ORMDL3: variants seen among roughly 807,000 people sequenced by gnomAD.
ORMDL3 encodes the protein ORM1-like protein 3.
Under a neutral mutation model 12.6 loss-of-function variants are expected in ORMDL3, and 6 were observed. The observed-to-expected ratio is 0.48, with a 90% CI of 0.26 to 0.94. The LOEUF (loss-of-function observed/expected upper bound fraction) is 0.94. Among genes scored for constraint, ORMDL3 ranks in the 40% least tolerant of loss-of-function variants. The probability of loss-of-function intolerance (pLI) is 0.14; values close to 1 mark genes in which losing one functional copy is unlikely to be tolerated. For missense variants in ORMDL3, 159 were observed against 205.5 expected, an observed-to-expected ratio of 0.77 and a Z score of 1.38; for synonymous variants, 99 against 87.2, an observed-to-expected ratio of 1.14 and a Z score of -0.75.
chr17:39,926,954 C>G, intron 1 of ORMDL3: 1 of 985,732 alleles, frequency 1.0e-6, no homozygotes, highest in Non-Finnish European at 1.2e-6. Flanking sequence ...GATAACCTCT[C>G]AACTTTGGCC....
chr17:39,927,137 C>A, intron 1 of ORMDL3: 1 of 475,634 alleles, frequency 2.1e-6, no homozygotes, highest in Non-Finnish European at 2.7e-6. Flanking sequence ...TGTTCCCCAG[C>A]CTGGGTCTTC....
Position 39,922,550 on chromosome 17 carries a change from T to G in ORMDL3, c.462A>C (p.Ter154CysextTer39). The change falls in exon 4 of 4, where the codon TGA becomes TGC. Residue 154 changes from the stop codon to cysteine (C), a stop_lost. Transcript: ENST00000304046. ...CTGGGCAGGGGAAGGGGCTGCACTC[T>G]CAGTACTTATTGATTCCAAAAATCC... is the stretch of plus-strand genomic sequence containing the variant. ...GVRIFGINKY[*>C] 1.2e-6 allele frequency: 2 copies of G among 1,613,918 alleles called. No individual in the cohort carries two copies. The highest frequency in any genetic ancestry group is 1.7e-6 in the Non-Finnish European group (2 of 1,179,864).
chr17:39,927,580 C>T lies in ORMDL3; in HGVS notation c.-119G>A. 4 of 985,696 alleles carry T rather than the reference C, an allele frequency of 4.1e-6. No homozygotes were observed. Among genetic ancestry groups the T allele is most frequent in the Non-Finnish European group, 4.8e-6 (4 of 830,100 alleles). 61.1% of individuals were successfully genotyped at this position (985,696 alleles called of 1,614,324 possible). A position where few individuals can be genotyped will look rare whatever the true frequency, so the allele number is the denominator to read the frequency against. On this transcript the variant is annotated 5_prime_UTR_variant, in exon 1 of 4. Coordinates refer to ENST00000304046, the MANE Select transcript of ORMDL3 (RefSeq NM_139280.4). ...TAACAACCCGCGGCTGCAGCCTCCCCGCTGGCAGCTCCGGCCGAATCAGCG... is the reference window on the plus strand; with the variant it reads ...TAACAACCCGCGGCTGCAGCCTCCCTGCTGGCAGCTCCGGCCGAATCAGCG...
At position 39,927,554 on chromosome 17, in the gene ORMDL3, G is replaced by T; in HGVS notation, c.-93C>A. The T allele has an allele frequency of 1.0e-6, 1 of 985,544 alleles. No individual in the cohort carries two copies. Among genetic ancestry groups the T allele is most frequent in the South Asian group, 4.7e-5 (1 of 21,300 alleles). 61.0% of individuals were successfully genotyped at this position (985,544 alleles called of 1,614,324 possible). A position where few individuals can be genotyped will look rare whatever the true frequency, so the allele number is the denominator to read the frequency against. On this transcript the variant is annotated 5_prime_UTR_variant, in exon 1 of 4. Coordinates refer to ENST00000304046, the MANE Select transcript of ORMDL3 (RefSeq NM_139280.4). ...GGGGGCCGCTGCTGCTCCAGCAGCT[G>T]TAACAACCCGCGGCTGCAGCCTCCC...
In ORMDL3 at chr17:39,922,544, G is replaced by A. The variant is rs376425393; in HGVS notation, c.*6C>T. The A allele has an allele frequency of 2.7e-5, 44 of 1,613,322 alleles. No individual in the cohort carries two copies. The highest frequency in any genetic ancestry group is 3.5e-5 in the Non-Finnish European group (41 of 1,179,624). On this transcript the variant is annotated 3_prime_UTR_variant, in exon 4 of 4. Transcript: ENST00000304046. The stretch of plus-strand genomic sequence containing the variant: ...GCCACCCTGGGCAGGGGAAGGGGCT[G>A]CACTCTCAGTACTTATTGATTCCAA...
intron 2 of ORMDL3, 88 bp downstream of exon 2, chr17:39,923,942 G>C: frequency 7.3e-7 from 1 of 1,364,582 alleles, no homozygotes; most frequent in Non-Finnish European, 9.8e-7. Flanking sequence ...GGCCAGGCCC[G>C]ACAGGCTCCT....
Position 39,922,470 on chromosome 17 carries a change from T to C in ORMDL3, c.*80A>G. 1 of 1,492,082 alleles carries C rather than the reference T, an allele frequency of 6.7e-7. No individual in the cohort carries two copies. Among genetic ancestry groups the C allele is most frequent in the Non-Finnish European group, 9.0e-7 (1 of 1,110,010 alleles). 92.4% of individuals were successfully genotyped at this position (1,492,082 alleles called of 1,614,324 possible). On this transcript the variant is annotated 3_prime_UTR_variant, in exon 4 of 4. Coordinates refer to ENST00000304046, the MANE Select transcript of ORMDL3 (RefSeq NM_139280.4). ...TCTGGCAGTGTCCAGAGGCTTCTTC[T>C]TTCTGTCTTCAGTGTTGCAGCACAT...
Position 39,924,214 on chromosome 17 carries a change from C to T in ORMDL3, c.-11G>A. The T allele has an allele frequency of 6.3e-7, 1 of 1,594,316 alleles. No individual in the cohort carries two copies. The highest frequency in any genetic ancestry group is 8.6e-7 in the Non-Finnish European group (1 of 1,169,336). ...TGTGCCCACATTCATCCTGCTGCCC[C>T]TCTCTGCTGTTCTGCAAACAAGCAG... On this transcript the variant is annotated 5_prime_UTR_variant, in exon 2 of 4. Coordinates refer to ENST00000304046, the MANE Select transcript of ORMDL3 (RefSeq NM_139280.4).
chr17:39,926,874 G>A (rs1457207978), intron 1 of ORMDL3: 14 of 986,012 alleles, frequency 1.4e-5, no homozygotes, highest in Non-Finnish European at 1.7e-5. Flanking sequence ...GACCCCAACG[G>A]GGAGTCCGGG....
chr17:39,923,126 G>A lies in ORMDL3; in HGVS notation c.312C>T (p.Ile104=). ...QFTASRKFLT[I]TPIVLYFLTS... ...CAGGCACTCACAGCACGATGGGTGT[G>A]ATGGTCAAGAACTTCCGAGAGGCCG... Residue 104 remains isoleucine (I), a synonymous_variant, in exon 3 of 4, where the codon ATC becomes ATT. Coordinates refer to ENST00000304046, the MANE Select transcript of ORMDL3 (RefSeq NM_139280.4). 1.9e-6 allele frequency: 3 copies of A among 1,614,212 alleles called. No individual in the cohort carries two copies. Among genetic ancestry groups the A allele is most frequent in the Middle Eastern group, 1.7e-4 (1 of 6,060 alleles).
chr17:39,923,041 CATG>C, intron 3 of ORMDL3, 68 bp downstream of exon 3: 1 of 1,581,062 alleles, frequency 6.3e-7, no homozygotes, highest in South Asian at 1.1e-5. Context: ...GGTTAATAAG[CATG>C]GCTGGGCCCT....
chr17:39,923,337 G>A, intron 2 of ORMDL3, 74 bp from the exon 3 acceptor site: 1 of 1,522,544 alleles, frequency 6.6e-7, no homozygotes, highest in Non-Finnish European at 9.1e-7. Flanking sequence ...CCCAGTCACA[G>A]ACACAAGTAA....
chr17:39,926,961 G>A, intron 1 of ORMDL3: 1 of 985,666 alleles, frequency 1.0e-6, no homozygotes, highest in Non-Finnish European at 1.2e-6. Flanking sequence ...TCTCAACTTT[G>A]GCCCAGCCAC....
chr17:39,924,334 G>T, intron 1 of ORMDL3, 109 bp from the exon 2 acceptor site: 1 of 1,019,452 alleles, frequency 9.8e-7, no homozygotes, highest in Non-Finnish European at 1.4e-6. Flanking sequence ...ACTCCAGGCA[G>T]TTCCACTCTT....
At chr17:39,926,938 A>G (rs1286675676) in intron 1 of ORMDL3, 1 of 985,826 alleles carries the variant, frequency 1.0e-6, no homozygotes, top group Non-Finnish European at 1.2e-6. Flanking sequence ...CTGCAGGACC[A>G]CAGCTGATAA....
chr17:39,924,375 T>C, intron 1 of ORMDL3, 150 bp from the exon 2 acceptor site: 1 of 754,228 alleles, frequency 1.3e-6, no homozygotes, highest in African/African-American at 1.8e-5. Flanking sequence ...GTGGAGAAAG[T>C]CCATGTGGAC....
At chr17:39,923,329 C>T in intron 2 of ORMDL3, 66 bp from the exon 3 acceptor site, 1 of 1,544,330 alleles carries the variant, frequency 6.5e-7, no homozygotes. Context: ...CTCCTCCACC[C>T]AGTCACAGAC....
rs760576462 is a variant in ORMDL3, at chr17:39,922,697, AG to A, written c.327-13del. The stretch of plus-strand genomic sequence containing the variant: ...TGGTGAGGAAGTACCTGGGAGGGGA[AG>A]GGTGGGGAGAGATATAAAAGACTGT... On this transcript the variant is annotated splice_polypyrimidine_tract_variant and intron_variant, in intron 3 of 3. Transcript: ENST00000304046. The A allele has an allele frequency of 5.2e-6, 8 of 1,550,466 alleles. No individual in the cohort carries two copies. The highest frequency in any genetic ancestry group is 6.2e-6 in the Non-Finnish European group (7 of 1,124,714).
chr17:39,923,986 AGGGCAG>A (rs535595787), intron 2 of ORMDL3, 38 bp downstream of exon 2: 129 of 1,532,784 alleles, frequency 8.4e-5, no homozygotes, highest in East Asian at 3.7e-4. Flanking sequence ...GGCAGCCCAC[AGGGCAG>A]GGGCAGGGGC....
Sources: allele counts gnomAD v4.1 joint callset, GRCh38; gene constraint gnomAD v4.1.1; transcripts MANE v1.5; gene names NCBI Gene and HGNC (gene_info 2026-07-23, HGNC 2026-07-21).